GALNT13: variants seen among roughly 807,000 people sequenced by gnomAD.
GALNT13 encodes polypeptide N-acetylgalactosaminyltransferase 13.
GALNT13 carries 28 observed loss-of-function variants against 64.2 expected under a neutral mutation model. The ratio of observed to expected loss-of-function variants is 0.44; its 90% CI spans 0.32 to 0.60. The LOEUF (loss-of-function observed/expected upper bound fraction) is 0.60, where lower values mean the gene tolerates loss of function less well. Among genes scored for constraint, GALNT13 ranks in the 20% least tolerant of loss-of-function variants. The probability of loss-of-function intolerance (pLI) is 0.05; values close to 1 mark genes in which losing one functional copy is unlikely to be tolerated. For synonymous variants in GALNT13, 214 were observed against 224.6 expected (o/e 0.95, Z 0.42); for missense variants, 577 against 669.8 (o/e 0.86, Z 1.53).
At chr2:154,339,277 T>C (rs1695622826) in intron 9 of GALNT13, among the ~76,000 whole-genome samples, 1 of 152,148 alleles carries the variant, frequency 6.6e-6, no homozygotes, top group Non-Finnish European at 1.5e-5. Flanking sequence ...CTACATAGGA[T>C]GGTTTCTCCA....
intron 4 of GALNT13, among the ~76,000 whole-genome samples, chr2:154,147,910 T>C (rs1347839443): frequency 6.6e-6 from 1 of 151,846 alleles, no homozygotes; most frequent in Non-Finnish European, 1.5e-5. Flanking sequence ...GATTTTGCTT[T>C]TATTTTTTAT....
At chr2:154,235,614 AAT>A (rs762786037) in intron 4 of GALNT13, among the ~76,000 whole-genome samples, 7 of 152,170 alleles carry the variant, frequency 4.6e-5, no homozygotes, top group Non-Finnish European at 1.0e-4. Flanking sequence ...TAGTGTTATT[AAT>A]ATTCATTGAC....
At chr2:154,188,596 A>G (rs1423847469) in intron 4 of GALNT13, among the ~76,000 whole-genome samples, 1 of 152,184 alleles carries the variant, frequency 6.6e-6, no homozygotes, top group African/African-American at 2.4e-5. Flanking sequence ...AAAGATAAGA[A>G]TATTAATCTC....
chr2:153,253,079 A>T, the GALNT13 span, among the ~76,000 whole-genome samples: 1 of 151,708 alleles, frequency 6.6e-6, no homozygotes, highest in Non-Finnish European at 1.5e-5. Flanking sequence ...CATTTTCATG[A>T]TATTGATTCT....
chr2:154,344,176 C>A (rs966064851), intron 9 of GALNT13, among the ~76,000 whole-genome samples: 1 of 151,954 alleles, frequency 6.6e-6, no homozygotes, highest in Admixed American at 6.6e-5. Context: ...TTTTAAAACA[C>A]AAAAGACTGT....
chr2:153,402,056 C>T, the GALNT13 span, among the ~76,000 whole-genome samples: 65 of 146,302 alleles, frequency 4.4e-4, no homozygotes, highest in Admixed American at 1.5e-3. Flanking sequence ...GATTTTGCAG[C>T]GGCTGGTACC....
Position 154,451,921 on chromosome 2 carries a change from CT to C in GALNT13, c.*1373del, listed in dbSNP as rs886405948. On this transcript the variant is annotated 3_prime_UTR_variant, in exon 13 of 13. Transcript: ENST00000392825. ...TTTTCTGGAGCAGAAGATTCCACTT[CT>C]TTGGTCCTCATCTTTACTTAAAAAG... 3 of 152,078 alleles carry C rather than the reference CT, an allele frequency of 2.0e-5. No homozygotes were observed. 9.4% of individuals were successfully genotyped at this position (152,078 alleles called of 1,614,324 possible). A position where few individuals can be genotyped will look rare whatever the true frequency, so the allele number is the denominator to read the frequency against.
At chr2:153,978,682 A>G (rs1470137642) in intron 3 of GALNT13, among the ~76,000 whole-genome samples, 1 of 152,174 alleles carries the variant, frequency 6.6e-6, no homozygotes, top group African/African-American at 2.4e-5. Flanking sequence ...GTCATGTGGA[A>G]CTTGAAGTCC....
At chr2:153,795,401 A>G in the GALNT13 span, among the ~76,000 whole-genome samples, 6 of 152,132 alleles carry the variant, frequency 3.9e-5, no homozygotes, top group African/African-American at 1.2e-4. Context: ...GTCAGTGGAG[A>G]AAACCGAGCT....
At chr2:153,753,806 G>C in the GALNT13 span, among the ~76,000 whole-genome samples, 1 of 152,192 alleles carries the variant, frequency 6.6e-6, no homozygotes. Context: ...GGGCTGTGAG[G>C]TCCTGCAGGA....
the GALNT13 span, among the ~76,000 whole-genome samples, chr2:153,461,488 A>G: frequency 0.81 from 123,204 of 151,982 alleles, 50,826 homozygotes; most frequent in African/African-American, 0.89. Flanking sequence ...ACTAAAGATG[A>G]GTTTGAATAT....
At chr2:154,171,213 A>G (rs1287738525) in intron 4 of GALNT13, among the ~76,000 whole-genome samples, 1 of 152,102 alleles carries the variant, frequency 6.6e-6, no homozygotes, top group African/African-American at 2.4e-5. Flanking sequence ...CAAAGCAGAG[A>G]GGCTTCCATC....
At chr2:154,010,005 A>AT (rs1696522422) in intron 3 of GALNT13, among the ~76,000 whole-genome samples, 1 of 152,054 alleles carries the variant, frequency 6.6e-6, no homozygotes, top group Non-Finnish European at 1.5e-5. Context: ...TTATACATTG[A>AT]TTTTGTGTCC....
chr2:154,198,051 C>T (rs191675580), intron 4 of GALNT13, among the ~76,000 whole-genome samples: 1 of 151,928 alleles, frequency 6.6e-6, no homozygotes, highest in African/African-American at 2.4e-5. Context: ...TATTCCCAGA[C>T]ATAACATTGA....
chr2:154,043,692 AAG>A (rs1263323081), intron 3 of GALNT13, among the ~76,000 whole-genome samples: 1 of 152,062 alleles, frequency 6.6e-6, no homozygotes, highest in Non-Finnish European at 1.5e-5. Context: ...CTTGCATAGG[AAG>A]AGACACAAGG....
chr2:154,306,115 G>C (rs960249788), intron 9 of GALNT13, among the ~76,000 whole-genome samples: 2 of 151,924 alleles, frequency 1.3e-5, no homozygotes, highest in African/African-American at 4.8e-5. Flanking sequence ...TTAAAAGAGA[G>C]GTGAAGGGTC....
chr2:153,611,395 G>A, the GALNT13 span, among the ~76,000 whole-genome samples: 1 of 151,924 alleles, frequency 6.6e-6, no homozygotes, highest in Non-Finnish European at 1.5e-5. Flanking sequence ...TTGAGACAGA[G>A]TTTTGCTTTG....
chr2:153,925,069 T>A (rs1452064856), intron 2 of GALNT13, among the ~76,000 whole-genome samples: 4 of 152,214 alleles, frequency 2.6e-5, no homozygotes, highest in Non-Finnish European at 4.4e-5. Flanking sequence ...TTAGATTCCA[T>A]TTGTCAATTT....
At chr2:153,103,164 A>G in the GALNT13 span, among the ~76,000 whole-genome samples, 1 of 152,152 alleles carries the variant, frequency 6.6e-6, no homozygotes, top group East Asian at 1.9e-4. Context: ...CCCTGCAACC[A>G]GAAGAATAAA....
Sources: gnomAD v4.1 joint callset for allele counts (sites outside exome capture counted in the v4.1 genomes callset) on GRCh38, gnomAD v4.1.1 for gene constraint, MANE v1.5 for transcripts, NCBI Gene and HGNC (gene_info 2026-07-23, HGNC 2026-07-21) for gene names.